Variants in ZNF862 observed in about 807,000 individuals in gnomAD.
ZNF862 encodes zinc finger protein 862.
In ZNF862, 64 loss-of-function variants were observed where a neutral mutation model predicts 91.1. The observed-to-expected ratio is 0.70, with a 90% CI of 0.57 to 0.87. ZNF862 has a LOEUF of 0.87. Among genes scored for constraint, ZNF862 ranks in the 40% least tolerant of loss-of-function variants. ZNF862 has a pLI of 0.00. For synonymous variants in ZNF862, 631 were observed against 618.1 expected, an observed-to-expected ratio of 1.02 and a Z score of -0.31; for missense variants, 1,459 against 1,528.0, an observed-to-expected ratio of 0.95 and a Z score of 0.75.
intron 1 of ZNF862, among the ~76,000 whole-genome samples, chr7:149,839,955 C>T (rs908576755): frequency 3.3e-5 from 5 of 151,908 alleles, no homozygotes; most frequent in African/African-American, 1.2e-4. Context: ...AGTTGATTTC[C>T]AAGCTATTCT....
Position 149,860,707 on chromosome 7 carries a change from T to C in ZNF862, c.1547T>C (p.Leu516Ser). The C allele has an allele frequency of 6.2e-7, 1 of 1,613,874 alleles. No homozygotes were observed. The highest frequency in any genetic ancestry group is 8.5e-7 in the Non-Finnish European group (1 of 1,179,886). Residue 516 changes from leucine (L) to serine (S), a missense_variant, in exon 7 of 8, where the codon TTA becomes TCA. By Grantham distance (145) the Leu-to-Ser change is moderately radical. Coordinates refer to ENST00000223210, the MANE Select transcript of ZNF862 (RefSeq NM_001099220.3). ...ACGGGGCCTTTTAAAGTGGAGACTTTAAAATACCATGAAGTCAGCAAAGCG... is the reference window on the plus strand; with the variant it reads ...ACGGGGCCTTTTAAAGTGGAGACTTCAAAATACCATGAAGTCAGCAAAGCG... ...GYTGPFKVETLKYHEVSKAHR... is the reference protein window; with the variant it reads ...GYTGPFKVETSKYHEVSKAHR...
intron 4 of ZNF862, 69 bp downstream of exon 4, chr7:149,848,501 T>C: frequency 7.9e-7 from 1 of 1,267,530 alleles, no homozygotes; most frequent in Non-Finnish European, 1.1e-6. Context: ...TGTATATCCA[T>C]GCTGATGATG....
rs114774246 is a variant in ZNF862 at position 149,861,842 on chromosome 7, C to T, written c.2682C>T (p.Asn894=). The change falls in exon 7 of 8, where the codon AAC becomes AAT. Residue 894 remains asparagine, a synonymous_variant. Coordinates refer to ENST00000223210, the MANE Select transcript of ZNF862 (RefSeq NM_001099220.3). The surrounding 1 kb of genome is among the most constrained non-coding windows in gnomAD (Gnocchi z 6.7). ...CAGGGCCCAAAGAGGAAGAATTCAACGCCAGCTTCAAGGATGGGCGGCTCC... is the reference window on the plus strand; with the variant it reads ...CAGGGCCCAAAGAGGAAGAATTCAATGCCAGCTTCAAGGATGGGCGGCTCC... ...HQAGPKEEEF[N]ASFKDGRLHG... 1.4e-3 allele frequency: 2,327 copies of T among 1,613,690 alleles called. 34 individuals are homozygous for T. The African/African-American group carries it at 0.027, about 19-fold the overall frequency.
At chr7:149,839,562 C>G (rs1801630200) in intron 1 of ZNF862, among the ~76,000 whole-genome samples, 1 of 152,176 alleles carries the variant, frequency 6.6e-6, no homozygotes, top group African/African-American at 2.4e-5. Flanking sequence ...ACTTCAATAA[C>G]TTGGACACGC....
rs1323534622 is a variant in ZNF862 at position 149,866,583 on chromosome 7, TCCA to T, written c.*2301_*2303del. 1 of 152,110 alleles carries T rather than the reference TCCA, an allele frequency of 6.6e-6. No homozygotes were observed. Among genetic ancestry groups the T allele is most frequent in the Non-Finnish European group, 1.5e-5 (1 of 68,046 alleles). The allele number at this position is 152,110 out of a possible 1,614,324, so 9.4% of individuals were successfully genotyped here. A position where few individuals can be genotyped will look rare whatever the true frequency, so the allele number is the denominator to read the frequency against. ...AAGCTAGGGGAAGCAACTCGCCCTC[TCCA>T]CGTCAGCATCAGCGTGCTCCGAGGA... On this transcript the variant is annotated 3_prime_UTR_variant, in exon 8 of 8. Transcript: ENST00000223210.
intron 2 of ZNF862, 99 bp downstream of exon 2, chr7:149,844,835 A>G (rs1308681714): frequency 1.2e-6 from 1 of 807,382 alleles, no homozygotes; most frequent in Non-Finnish European, 2.0e-6. Flanking sequence ...CTGGAATCCA[A>G]GCATTTGTCT....
In ZNF862 at chr7:149,848,515, A is replaced by T. The variant is rs1801957772; in HGVS notation, c.939+83A>T. 7.8e-6 allele frequency: 9 copies of T among 1,159,368 alleles called. 1 individual carries two copies. The South Asian group carries it at 1.6e-4, about 21-fold the overall frequency. 71.8% of individuals were successfully genotyped at this position (1,159,368 alleles called of 1,614,324 possible). A position where few individuals can be genotyped will look rare whatever the true frequency, so the allele number is the denominator to read the frequency against. ...ATGTATATCCATGCTGATGATGGAA[A>T]AAAGAATACTAGTGATAACCCACTG... On this transcript the variant is annotated intron_variant, in intron 4 of 7. Coordinates refer to ENST00000223210, the MANE Select transcript of ZNF862 (RefSeq NM_001099220.3).
intron 1 of ZNF862, among the ~76,000 whole-genome samples, chr7:149,840,187 TAAAAAAAAAAAAAAAAAA>T (rs60721842): frequency 4.8e-5 from 2 of 41,246 alleles, no homozygotes; most frequent in East Asian, 1.2e-3. Flanking sequence ...GCTTAAAAAG[TAAAAAAAAAAAAAAAAAA>T]AAAAAAAAAA....
In ZNF862 at chr7:149,848,244, T is replaced by C. The variant is rs1459065519; in HGVS notation, c.751T>C (p.Phe251Leu). 1 of 1,613,408 alleles carries C rather than the reference T, an allele frequency of 6.2e-7. No homozygotes were observed. Among genetic ancestry groups the C allele is most frequent in the African/African-American group, 1.3e-5 (1 of 74,932 alleles). ...CTACCCCCCAGGGCCTCTGGGAGGA[T>C]TTGATAGCATGGCTGAGCTCCTGCC... is the stretch of plus-strand genomic sequence containing the variant. ...IFYPPGPLGGFDSMAELLPSS... is the reference protein window; with the variant it reads ...IFYPPGPLGGLDSMAELLPSS... The change falls in exon 4 of 8, where the codon TTT becomes CTT. Residue 251 changes from phenylalanine (F) to leucine (L), a missense_variant. Coordinates refer to ENST00000223210, the MANE Select transcript of ZNF862 (RefSeq NM_001099220.3).
chr7:149,840,436 T>C (rs1586035842), intron 1 of ZNF862, among the ~76,000 whole-genome samples: 2 of 152,122 alleles, frequency 1.3e-5, no homozygotes, highest in African/African-American at 4.8e-5. Context: ...GGTTAATTTA[T>C]TATTGAAGAA....
chr7:149,848,090 C>G lies in ZNF862; in HGVS notation c.597C>G (p.His199Gln). ...AATACCACGCGAAGAGCAAGGCCCA[C>G]ATGTTCTGTGTCAATGCCTTGGCAG... ...TLKYHAKSKA[H>Q]MFCVNALAAR... Residue 199 changes from histidine to glutamine, a missense_variant, in exon 4 of 8, where the codon CAC (histidine) becomes CAG (glutamine). Physicochemically the swap from His to Gln is conservative, Grantham distance 24. Transcript: ENST00000223210. 6.2e-7 allele frequency: 1 copy of G among 1,614,090 alleles called. No individual in the cohort carries two copies. The highest frequency in any genetic ancestry group is 8.5e-7 in the Non-Finnish European group (1 of 1,179,910).
intron 5 of ZNF862, chr7:149,858,970 A>C (rs1279013948): frequency 9.6e-6 from 1 of 104,118 alleles, no homozygotes; most frequent in Non-Finnish European, 1.8e-5. Context: ...AGAGGGGCAC[A>C]CGCGTGGGCC....
intron 1 of ZNF862, chr7:149,840,881 C>T (rs764612069): frequency 2.8e-5 from 26 of 942,854 alleles, no homozygotes; most frequent in Non-Finnish European, 3.3e-5. Flanking sequence ...GGACACATTT[C>T]CTAGAACTTA....
chr7:149,860,753 G>C lies in ZNF862; in HGVS notation c.1593G>C (p.Thr531=). ...VSKAHRLCVN[T]VEIKEDTPHT... ...AAGCGCACAGGCTCTGTGTCAACACGGTTGAAATCAAGGAAGACACCCCTC... is the reference window on the plus strand; with the variant it reads ...AAGCGCACAGGCTCTGTGTCAACACCGTTGAAATCAAGGAAGACACCCCTC... Residue 531 remains threonine (T), a synonymous_variant, in exon 7 of 8, where the codon ACG becomes ACC. Coordinates refer to ENST00000223210, the MANE Select transcript of ZNF862 (RefSeq NM_001099220.3). 1 of 1,613,838 alleles carries C rather than the reference G, an allele frequency of 6.2e-7. No individual in the cohort carries two copies.
intron 1 of ZNF862, among the ~76,000 whole-genome samples, chr7:149,840,553 C>A (rs1269776621): frequency 6.6e-6 from 1 of 151,910 alleles, no homozygotes; most frequent in Non-Finnish European, 1.5e-5. Flanking sequence ...ACCACTCACT[C>A]ACTCACTCAC....
At position 149,838,516 on chromosome 7, in the gene ZNF862, C is replaced by T. The variant is rs900311472; in HGVS notation, c.-96C>T. ...CCCTCCCTACCTGGGTGCCCTCCCC[C>T]TCCGGGAGCCTGGGTCCCCGGGGCG... On this transcript the variant is annotated 5_prime_UTR_variant, in exon 1 of 8. Transcript: ENST00000223210. The T allele has an allele frequency of 5.6e-6, 5 of 886,796 alleles. No individual in the cohort carries two copies. Among genetic ancestry groups the T allele is most frequent in the Non-Finnish European group, 7.4e-6 (5 of 672,456 alleles). 54.9% of individuals were successfully genotyped at this position (886,796 alleles called of 1,614,324 possible). A position where few individuals can be genotyped will look rare whatever the true frequency, so the allele number is the denominator to read the frequency against.
intron 5 of ZNF862, among the ~76,000 whole-genome samples, chr7:149,854,868 C>T (rs914468473): frequency 1.3e-5 from 2 of 152,206 alleles, no homozygotes; most frequent in African/African-American, 4.8e-5. Context: ...GAGAACAGCA[C>T]CAGCTTTTAA....
At position 149,839,129 on chromosome 7, in the gene ZNF862, C is replaced by A. The variant is rs564149868; in HGVS notation, c.24+494C>A. Reference sequence around the variant, plus strand: ...CTAGGTTATGTACTTCATGGAATATCTGGGCATTGCTTAGAAACCTGTGTC... The same window carrying A: ...CTAGGTTATGTACTTCATGGAATATATGGGCATTGCTTAGAAACCTGTGTC... On this transcript the variant is annotated intron_variant, in intron 1 of 7. Coordinates refer to ENST00000223210, the MANE Select transcript of ZNF862 (RefSeq NM_001099220.3). Among the ~76,000 whole-genome samples, 10 of 152,334 alleles carry A rather than the reference C, an allele frequency of 6.6e-5. No homozygotes were observed. The South Asian group carries it at 1.9e-3, about 28-fold the overall frequency.
chr7:149,857,758 A>T (rs1004891206), intron 5 of ZNF862, among the ~76,000 whole-genome samples: 3 of 152,106 alleles, frequency 2.0e-5, no homozygotes, highest in Non-Finnish European at 4.4e-5. Flanking sequence ...CAGTGTCCAT[A>T]GATCTTTTGA....
Sources: gnomAD v4.1 joint callset for allele counts (sites outside exome capture counted in the v4.1 genomes callset) on GRCh38, gnomAD v4.1.1 for gene constraint, Gnocchi (gnomAD v3.1) non-coding constraint, MANE v1.5 for transcripts, NCBI Gene and HGNC (gene_info 2026-07-23, HGNC 2026-07-21) for gene names.